Variants in SLC22A14 observed in about 807,000 individuals in gnomAD.
SLC22A14 encodes organic cation transporter-like 4.
A neutral mutation model predicts 53.9 loss-of-function variants in SLC22A14; 50 were observed. That is an observed-to-expected ratio of 0.93 (90% confidence interval 0.74 to 1.17). The LOEUF is 1.17. Ranked by LOEUF, SLC22A14 falls within the 50% of genes most tolerant of loss-of-function variation. The probability of loss-of-function intolerance (pLI) is 0.00; values close to 1 mark genes in which losing one functional copy is unlikely to be tolerated. For synonymous variants in SLC22A14, 312 were observed against 303.0 expected, an observed-to-expected ratio of 1.03 and a Z score of -0.31; for missense variants, 671 against 734.7, an observed-to-expected ratio of 0.91 and a Z score of 1.00.
chr3:38,318,001 G>C (rs1039107632), intron 10 of SLC22A14, among the ~76,000 whole-genome samples, 197 bp from the exon 11 acceptor site: 24 of 152,184 alleles, frequency 1.6e-4, no homozygotes, highest in African/African-American at 5.5e-4. Flanking sequence ...GAAAAGAGAA[G>C]GGTCTCGCAA....
At chr3:38,314,871 A>G (rs1390478274) in intron 8 of SLC22A14, among the ~76,000 whole-genome samples, 3 of 152,256 alleles carry the variant, frequency 2.0e-5, no homozygotes, top group African/African-American at 7.2e-5. Context: ...GAGAGAAACT[A>G]GGAATGGACT....
rs539249729 is a variant in SLC22A14, at chr3:38,313,683, T to TGTGTGTGTGTGTGCGCGCGC, written c.1164-41_1164-40insTGTGTGTGTGCGCGCGCGTG. The TGTGTGTGTGTGTGCGCGCGC allele has an allele frequency of 9.5e-6, 7 of 737,118 alleles. No homozygotes were observed. In the East Asian group the frequency reaches 2.5e-4, roughly 26 times the overall value. The allele number at this position is 737,118 out of a possible 1,614,324, so 45.7% of individuals were successfully genotyped here. A position where few individuals can be genotyped will look rare whatever the true frequency, so the allele number is the denominator to read the frequency against. ...CTGTCTTTATTCCTGGCTCCGTGTG[T>TGTGTGTGTGTGTGCGCGCGC]GTGCGCGCGTGTGCACGCGCACTTG... On this transcript the variant is annotated intron_variant, in intron 7 of 10. Coordinates refer to ENST00000448498, the MANE Select transcript of SLC22A14 (RefSeq NM_001320033.2).
At chr3:38,290,546 G>A (rs1250655236) in intron 1 of SLC22A14, among the ~76,000 whole-genome samples, 1 of 152,172 alleles carries the variant, frequency 6.6e-6, no homozygotes, top group African/African-American at 2.4e-5. Context: ...CTGCTTGACA[G>A]TTTTTAAAAG....
chr3:38,308,358 A>G (rs1424569626), intron 4 of SLC22A14, among the ~76,000 whole-genome samples: 1 of 152,184 alleles, frequency 6.6e-6, no homozygotes, highest in Admixed American at 6.5e-5. Context: ...AGCAGGCACT[A>G]TTCTATTACT....
intron 1 of SLC22A14, among the ~76,000 whole-genome samples, chr3:38,285,667 T>C (rs1559541939): frequency 6.6e-6 from 1 of 152,230 alleles, no homozygotes; most frequent in Admixed American, 6.5e-5. Context: ...ACTATATAAA[T>C]CTACTACAAT....
intron 1 of SLC22A14, among the ~76,000 whole-genome samples, chr3:38,289,036 C>A (rs1310237081): frequency 6.6e-6 from 1 of 151,702 alleles, no homozygotes; most frequent in Non-Finnish European, 1.5e-5. Context: ...AAAAATTAGC[C>A]CTGCATGGTG....
Position 38,318,380 on chromosome 3 carries a change from C to T in SLC22A14, c.*131C>T, listed in dbSNP as rs1704678770. The T allele has an allele frequency of 2.3e-6, 2 of 851,242 alleles. No homozygotes were observed. Among genetic ancestry groups the T allele is most frequent in the Admixed American group, 1.9e-5 (1 of 52,204 alleles). 52.7% of individuals were successfully genotyped at this position (851,242 alleles called of 1,614,324 possible). ...CCAGGCTCCCTGAGGGCCAGGCCCC[C>T]AGACCATCTTGGGTTGGAATTGAGT... On this transcript the variant is annotated 3_prime_UTR_variant, in exon 11 of 11. Coordinates refer to ENST00000448498, the MANE Select transcript of SLC22A14 (RefSeq NM_001320033.2).
At chr3:38,293,081 G>T (rs1399456825) in intron 1 of SLC22A14, among the ~76,000 whole-genome samples, 1 of 152,164 alleles carries the variant, frequency 6.6e-6, no homozygotes, top group African/African-American at 2.4e-5. Flanking sequence ...GGCATGGGCT[G>T]GTGCTTGCTC....
chr3:38,293,881 C>T (rs1278193929), intron 1 of SLC22A14, among the ~76,000 whole-genome samples: 3 of 152,174 alleles, frequency 2.0e-5, no homozygotes, highest in East Asian at 3.8e-4. Context: ...CCAGTTATGG[C>T]ATCACTTCTC....
chr3:38,314,177 G>A (rs941204340), intron 8 of SLC22A14, among the ~76,000 whole-genome samples: 4 of 152,214 alleles, frequency 2.6e-5, no homozygotes, highest in African/African-American at 7.2e-5. Context: ...AAAGAGGAGG[G>A]TGTACTTTCC....
intron 1 of SLC22A14, among the ~76,000 whole-genome samples, chr3:38,285,209 A>T (rs1575398624): frequency 6.6e-6 from 1 of 152,148 alleles, no homozygotes; most frequent in Non-Finnish European, 1.5e-5. Context: ...AACAGGGGAT[A>T]CCCCCACCAC....
intron 8 of SLC22A14, among the ~76,000 whole-genome samples, chr3:38,314,359 C>T (rs1704567168): frequency 6.6e-6 from 1 of 152,218 alleles, no homozygotes; most frequent in Non-Finnish European, 1.5e-5. Context: ...TGTAGCTTCA[C>T]CAGGAATAAC....
At chr3:38,309,163 A>C (rs1704401334) in intron 5 of SLC22A14, 41 bp downstream of exon 5, 3 of 1,548,746 alleles carry the variant, frequency 1.9e-6, no homozygotes, top group Admixed American at 3.4e-5. Flanking sequence ...GCTGGGTCTG[A>C]TGGGCTGGAT....
At chr3:38,282,759 CTGGT>C (rs2125867164) in intron 1 of SLC22A14, among the ~76,000 whole-genome samples, 1 of 152,224 alleles carries the variant, frequency 6.6e-6, no homozygotes, top group Admixed American at 6.5e-5. Context: ...CAGAGGGAGG[CTGGT>C]ACAGATGGCT....
intron 1 of SLC22A14, among the ~76,000 whole-genome samples, chr3:38,298,976 C>T (rs762339744): frequency 2.6e-5 from 4 of 152,160 alleles, no homozygotes; most frequent in African/African-American, 9.7e-5. Context: ...TCCATCTCTG[C>T]GAGAAACAAA....
chr3:38,316,375 G>T lies in SLC22A14; in HGVS notation c.1584G>T (p.Leu528Phe). The change falls in exon 10 of 11, where the codon TTG becomes TTT. Residue 528 changes from leucine (L) to phenylalanine (F), a missense_variant. Transcript: ENST00000448498. ...VSLASVAGAI[L>F]SLTIISQTPS... Reference sequence around the variant, plus strand: ...TGGCCTCGGTGGCTGGAGCCATCTTGTCCCTGACAATCATCAGCCAGACCC... The same window carrying T: ...TGGCCTCGGTGGCTGGAGCCATCTTTTCCCTGACAATCATCAGCCAGACCC... The T allele has an allele frequency of 1.9e-6, 3 of 1,614,130 alleles. No homozygotes were observed. The highest frequency in any genetic ancestry group is 2.5e-6 in the Non-Finnish European group (3 of 1,180,032).
At chr3:38,316,595 C>T (rs535327749) in intron 10 of SLC22A14, 71 bp downstream of exon 10, 59 of 1,382,048 alleles carry the variant, frequency 4.3e-5, no homozygotes, top group Middle Eastern at 1.8e-4. Flanking sequence ...AGAGAGCGTG[C>T]GGGACATTGT....
intron 1 of SLC22A14, among the ~76,000 whole-genome samples, chr3:38,292,829 A>G (rs1344099894): frequency 1.3e-5 from 2 of 152,136 alleles, no homozygotes; most frequent in East Asian, 1.9e-4. Flanking sequence ...TAACAAGGAA[A>G]TGGGGCTTTC....
Position 38,307,385 on chromosome 3 carries a change from C to T in SLC22A14, c.620+28C>T. The T allele has an allele frequency of 1.3e-6, 2 of 1,574,718 alleles. No homozygotes were observed. The highest frequency in any genetic ancestry group is 8.7e-7 in the Non-Finnish European group (1 of 1,144,072). The stretch of plus-strand genomic sequence containing the variant: ...GAGTCCCCGGGAGTTTCTGCTGGTC[C>T]CCGAGCCATCCCAACTCCTCCTCAT... On this transcript the variant is annotated intron_variant, in intron 3 of 10. Transcript: ENST00000448498. The surrounding 1 kb of genome is among the most constrained non-coding windows in gnomAD (Gnocchi z 4.4).
Sources: gnomAD v4.1 joint callset for allele counts (sites outside exome capture counted in the v4.1 genomes callset) on GRCh38, gnomAD v4.1.1 for gene constraint, Gnocchi (gnomAD v3.1) non-coding constraint, MANE v1.5 for transcripts, NCBI Gene and HGNC (gene_info 2026-07-23, HGNC 2026-07-21) for gene names.